Variants in BABAM2 observed in about 807,000 individuals in gnomAD.
BABAM2 encodes BRISC and BRCA1 A complex member 2.
Under a neutral mutation model 54.7 loss-of-function variants are expected in BABAM2, and 31 were observed. The ratio of observed to expected loss-of-function variants is 0.57; its 90% CI spans 0.43 to 0.77. BABAM2 has a LOEUF of 0.77. Among genes scored for constraint, BABAM2 ranks in the 30% least tolerant of loss-of-function variants. BABAM2 has a pLI of 0.00. For synonymous variants in BABAM2, 167 were observed against 162.9 expected, an observed-to-expected ratio of 1.03 and a Z score of -0.19; for missense variants, 364 against 455.8, an observed-to-expected ratio of 0.80 and a Z score of 1.83.
chr2:28,122,968 G>C (rs1669206519), intron 6 of BABAM2, among the ~76,000 whole-genome samples: 1 of 152,066 alleles, frequency 6.6e-6, no homozygotes, highest in Non-Finnish European at 1.5e-5. Flanking sequence ...GAATTAAGGA[G>C]ATAAATACTG....
intron 7 of BABAM2, among the ~76,000 whole-genome samples, chr2:28,192,836 A>G (rs1480719853): frequency 6.6e-6 from 1 of 151,592 alleles, no homozygotes; most frequent in African/African-American, 2.4e-5. Context: ...GCTCCTTTTT[A>G]TAGCTTAAGA....
At chr2:28,243,436 G>A (rs1682627081) in intron 9 of BABAM2, among the ~76,000 whole-genome samples, 2 of 152,116 alleles carry the variant, frequency 1.3e-5, no homozygotes, top group Admixed American at 1.3e-4. Context: ...GGAGGCTGAG[G>A]CAGGAGAATC....
At position 27,935,071 on chromosome 2, in the gene BABAM2, G is replaced by A. The variant is rs567598386; in HGVS notation, c.205+5163G>A. 1.3e-4 allele frequency among the ~76,000 whole-genome samples: 20 copies of A among 152,268 alleles called. No homozygotes were observed. In the South Asian group the frequency reaches 2.7e-3, roughly 21 times the overall value. ...CAGGCTTATGTTGGAAGAAGATGCC[G>A]TCTAGGACTGTCATAGTTAAGAAGG... On this transcript the variant is annotated intron_variant, in intron 3 of 11. Transcript: ENST00000379624.
At chr2:27,998,267 CCAT>C (rs1673319333) in intron 4 of BABAM2, among the ~76,000 whole-genome samples, 2 of 151,998 alleles carry the variant, frequency 1.3e-5, no homozygotes, top group African/African-American at 4.8e-5. Flanking sequence ...CCTCTTCTCT[CCAT>C]CACTCCCTTC....
chr2:28,282,366 T>C (rs926346121), intron 10 of BABAM2, among the ~76,000 whole-genome samples: 6 of 152,178 alleles, frequency 3.9e-5, no homozygotes, highest in African/African-American at 1.4e-4. Context: ...TCTCAGACTT[T>C]TGTGCTTTCT....
intron 6 of BABAM2, among the ~76,000 whole-genome samples, chr2:28,108,163 T>C (rs572878181): frequency 6.6e-6 from 1 of 152,298 alleles, no homozygotes; most frequent in African/African-American, 2.4e-5. Context: ...TTTTCACATA[T>C]ATATATATGG....
chr2:28,085,344 T>A (rs902787921), intron 6 of BABAM2, among the ~76,000 whole-genome samples: 1 of 152,230 alleles, frequency 6.6e-6, no homozygotes. Flanking sequence ...ATGAAGGCAT[T>A]GCACAATGAA....
intron 7 of BABAM2, among the ~76,000 whole-genome samples, chr2:28,182,165 G>C (rs1455267589): frequency 6.6e-6 from 1 of 152,152 alleles, no homozygotes; most frequent in African/African-American, 2.4e-5. Flanking sequence ...CTTATACTCT[G>C]AGAGACTCAC....
intron 4 of BABAM2, among the ~76,000 whole-genome samples, chr2:28,008,934 A>G (rs1271008594): frequency 6.6e-6 from 1 of 152,168 alleles, no homozygotes; most frequent in Non-Finnish European, 1.5e-5. Context: ...ATTCATTGTT[A>G]GAAGTAGACC....
chr2:27,982,047 A>G (rs1266240168), intron 3 of BABAM2, among the ~76,000 whole-genome samples: 1 of 152,120 alleles, frequency 6.6e-6, no homozygotes, highest in Non-Finnish European at 1.5e-5. Context: ...GATTATAGCC[A>G]TCCAAGTGGG....
At chr2:27,894,837 G>T in intron 2 of BABAM2, 153 bp downstream of exon 2, 1 of 786,644 alleles carries the variant, frequency 1.3e-6, no homozygotes, top group Non-Finnish European at 1.9e-6. Flanking sequence ...GTTTTGTTCA[G>T]TTCTTGACAT....
At chr2:28,310,251 C>A in intron 11 of BABAM2, 1 of 1,234,952 alleles carries the variant, frequency 8.1e-7, no homozygotes, top group Non-Finnish European at 1.2e-6. Flanking sequence ...GCCAATACAG[C>A]CCTCATCCCA....
intron 10 of BABAM2, among the ~76,000 whole-genome samples, chr2:28,263,250 A>G (rs1684695697): frequency 6.6e-6 from 1 of 152,102 alleles, no homozygotes; most frequent in Non-Finnish European, 1.5e-5. Flanking sequence ...AGTATTCACT[A>G]TATGCAAAGT....
chr2:28,010,009 T>TG (rs1319144487), intron 4 of BABAM2, among the ~76,000 whole-genome samples: 1 of 152,168 alleles, frequency 6.6e-6, no homozygotes. Flanking sequence ...AGGCCTCCTG[T>TG]CTAAGCTCAG....
At chr2:28,306,960 T>C (rs1688587634) in intron 11 of BABAM2, among the ~76,000 whole-genome samples, 1 of 146,420 alleles carries the variant, frequency 6.8e-6, no homozygotes, top group Admixed American at 7.0e-5. Flanking sequence ...CCCCCCAAAG[T>C]GCTGGGATTA....
chr2:27,961,722 CTT>C (rs5830058), intron 3 of BABAM2, among the ~76,000 whole-genome samples: 5,857 of 99,180 alleles, frequency 0.059, 346 homozygotes, highest in African/African-American at 0.21. Flanking sequence ...CCTTAATTAT[CTT>C]TTTTTTTTTT....
chr2:28,109,664 AG>A (rs1356688975), intron 6 of BABAM2, among the ~76,000 whole-genome samples: 1 of 152,102 alleles, frequency 6.6e-6, no homozygotes, highest in Non-Finnish European at 1.5e-5. Context: ...ACTGACCCAA[AG>A]GGGATAGTCT....
chr2:28,069,611 T>C (rs1327519062), intron 6 of BABAM2, among the ~76,000 whole-genome samples: 1 of 152,148 alleles, frequency 6.6e-6, no homozygotes, highest in Non-Finnish European at 1.5e-5. Context: ...ATTGGCCCAA[T>C]GGGAAGATTG....
intron 6 of BABAM2, among the ~76,000 whole-genome samples, chr2:28,112,139 T>A (rs1359617765): frequency 2.3e-4 from 4 of 17,560 alleles, no homozygotes; most frequent in African/African-American, 9.8e-4. Context: ...CTTTCTTTCT[T>A]TCTTTCTTTA....
Sources: gnomAD v4.1 joint callset for allele counts (sites outside exome capture counted in the v4.1 genomes callset) on GRCh38, gnomAD v4.1.1 for gene constraint, MANE v1.5 for transcripts, NCBI Gene and HGNC (gene_info 2026-07-23, HGNC 2026-07-21) for gene names.